The following BEND6 variants were observed in gnomAD, a reference collection of about 807,000 sequenced individuals.
BEND6 encodes the protein BEN domain-containing protein 6.
BEND6 carries 24 observed loss-of-function variants against 31.8 expected under a neutral mutation model. The observed-to-expected ratio is 0.75, with a 90% CI of 0.55 to 1.06. The LOEUF (loss-of-function observed/expected upper bound fraction) is 1.06. Among genes scored for constraint, BEND6 ranks in the 50% least tolerant of loss-of-function variants. The pLI, the probability that BEND6 is intolerant of heterozygous loss-of-function variation, is 0.00. For missense variants in BEND6, 294 were observed against 327.4 expected (o/e 0.90, Z 0.79); for synonymous variants, 109 against 114.6 (o/e 0.95, Z 0.31).
chr6:56,998,392 A>ATG (rs1046939188), intron 3 of BEND6, among the ~76,000 whole-genome samples: 1 of 151,996 alleles, frequency 6.6e-6, no homozygotes, highest in East Asian at 1.9e-4. Context: ...TGTGTGTGCT[A>ATG]TGTGTGTGTG....
At chr6:57,009,018 C>T (rs926669776) in intron 3 of BEND6, 3 of 151,916 alleles carry the variant, frequency 2.0e-5, no homozygotes, top group Admixed American at 6.6e-5. Flanking sequence ...GTGAAATAAG[C>T]GAGGAATAGA....
At chr6:56,992,954 G>A (rs1826565134) in intron 3 of BEND6, among the ~76,000 whole-genome samples, 1 of 152,106 alleles carries the variant, frequency 6.6e-6, no homozygotes, top group Non-Finnish European at 1.5e-5. Flanking sequence ...TCTAGAAAAT[G>A]GAGCTTATTG....
intron 2 of BEND6, among the ~76,000 whole-genome samples, chr6:56,990,564 A>G (rs141618289): frequency 6.6e-6 from 1 of 152,028 alleles, no homozygotes; most frequent in African/African-American, 2.4e-5. Context: ...ACTCTCTTCT[A>G]TTTCTTGGTC....
intron 1 of BEND6, among the ~76,000 whole-genome samples, chr6:56,962,009 G>A (rs187723765): frequency 8.7e-4 from 132 of 152,316 alleles, no homozygotes; most frequent in African/African-American, 1.9e-3. Context: ...TTGGCAGGTG[G>A]GACCTTTGAG....
intron 1 of BEND6, among the ~76,000 whole-genome samples, chr6:56,956,662 T>G (rs1474400099): frequency 1.3e-5 from 2 of 152,238 alleles, no homozygotes; most frequent in African/African-American, 4.8e-5. Flanking sequence ...GAATTTTGAA[T>G]GGCAGCATGT....
chr6:57,015,061 A>C, intron 3 of BEND6, 72 bp from the exon 4 acceptor site: 1 of 1,339,156 alleles, frequency 7.5e-7, no homozygotes. Flanking sequence ...ACATACACTC[A>C]ACAAAAAAAT....
intron 3 of BEND6, among the ~76,000 whole-genome samples, chr6:57,005,343 A>G (rs1451900580): frequency 6.6e-6 from 1 of 152,184 alleles, no homozygotes; most frequent in African/African-American, 2.4e-5. Context: ...TGAAGAAAAT[A>G]TAAAACTCAA....
intron 2 of BEND6, among the ~76,000 whole-genome samples, chr6:56,990,577 A>G (rs977035644): frequency 6.6e-6 from 1 of 151,900 alleles, no homozygotes; most frequent in African/African-American, 2.4e-5. Flanking sequence ...TCTTGGTCAT[A>G]TTGTCTAACC....
intron 2 of BEND6, among the ~76,000 whole-genome samples, chr6:56,985,141 A>G (rs950656102): frequency 6.6e-6 from 1 of 152,228 alleles, no homozygotes; most frequent in Non-Finnish European, 1.5e-5. Flanking sequence ...CCCAAGGTCT[A>G]ACAAGAATCA....
At chr6:56,990,374 G>A (rs1261270780) in intron 2 of BEND6, among the ~76,000 whole-genome samples, 1 of 150,336 alleles carries the variant, frequency 6.7e-6, no homozygotes, top group Non-Finnish European at 1.5e-5. Flanking sequence ...AGCCCCCCGA[G>A]TAACCAGGAC....
intron 2 of BEND6, among the ~76,000 whole-genome samples, chr6:56,988,501 G>T (rs749962170): frequency 6.6e-6 from 1 of 152,084 alleles, no homozygotes; most frequent in South Asian, 2.1e-4. Context: ...AATGATTATT[G>T]AATGTTTACT....
At chr6:56,989,840 C>T (rs559349280) in intron 2 of BEND6, among the ~76,000 whole-genome samples, 1 of 152,236 alleles carries the variant, frequency 6.6e-6, no homozygotes, top group East Asian at 1.9e-4. Flanking sequence ...CAAATATCCA[C>T]CAGTTGTGAT....
Position 56,975,780 on chromosome 6 carries a change from A to G in BEND6, c.-100-5931A>G, listed in dbSNP as rs576761804. The G allele has an allele frequency of 1.5e-3, 778 of 529,480 alleles. 12 individuals carry two copies. Among genetic ancestry groups the G allele is most frequent in the South Asian group, 0.012 (758 of 65,874 alleles). 32.8% of individuals were successfully genotyped at this position (529,480 alleles called of 1,614,324 possible). A position where few individuals can be genotyped will look rare whatever the true frequency, so the allele number is the denominator to read the frequency against. ...CGTAAACCTCCCATTTTAAACAGGA[A>G]GCTGGATGCAAGTCCTTCCATAATA... is the stretch of plus-strand genomic sequence containing the variant. On this transcript the variant is annotated intron_variant, in intron 1 of 6. Transcript: ENST00000370746.
Position 56,992,485 on chromosome 6 carries a change from C to T in BEND6, c.228C>T (p.Ser76=), listed in dbSNP as rs199677690. ...AAGAATTGTGCGCCAAAATAAAAAG[C>T]CTGAAAGAAAAACTAACAAACACCC... ...SKEELCAKIK[S]LKEKLTNTRK... is the part of the protein sequence containing the mutation. Residue 76 remains serine, a synonymous_variant, in exon 3 of 7, where the codon AGC becomes AGT. Transcript: ENST00000370746. 117 of 1,613,866 alleles carry T rather than the reference C, an allele frequency of 7.2e-5. No individual in the cohort carries two copies. The highest frequency in any genetic ancestry group is 9.7e-5 in the Non-Finnish European group (114 of 1,179,962).
chr6:57,025,856 A>G (rs1022700503), intron 6 of BEND6, among the ~76,000 whole-genome samples: 1 of 151,970 alleles, frequency 6.6e-6, no homozygotes, highest in South Asian at 2.1e-4. Flanking sequence ...GTTCTGGGAT[A>G]TTGCTGGTGA....
chr6:57,009,289 C>T (rs562713847), intron 3 of BEND6: 1 of 151,854 alleles, frequency 6.6e-6, no homozygotes, highest in Non-Finnish European at 1.5e-5. Flanking sequence ...TTTGAATGTT[C>T]CCAACATAAA....
intron 2 of BEND6, among the ~76,000 whole-genome samples, chr6:56,984,169 T>C (rs1433807152): frequency 6.6e-6 from 1 of 151,760 alleles, no homozygotes; most frequent in Non-Finnish European, 1.5e-5. Context: ...TGCAGTGAGC[T>C]GTGTTCCCAT....
intron 3 of BEND6, chr6:57,014,546 A>G (rs1827462486): frequency 6.8e-7 from 1 of 1,474,378 alleles, no homozygotes; most frequent in South Asian, 1.3e-5. Flanking sequence ...ATTTGAAAAA[A>G]GGAACAAAGA....
At chr6:56,968,695 C>T (rs1231919897) in intron 1 of BEND6, among the ~76,000 whole-genome samples, 2 of 151,942 alleles carry the variant, frequency 1.3e-5, no homozygotes, top group African/African-American at 4.8e-5. Flanking sequence ...GCAGCATTGT[C>T]GAACCATCCC....
Sources: gnomAD v4.1 joint callset for allele counts (sites outside exome capture counted in the v4.1 genomes callset) on GRCh38, gnomAD v4.1.1 for gene constraint, MANE v1.5 for transcripts, NCBI Gene and HGNC (gene_info 2026-07-23, HGNC 2026-07-21) for gene names.